The following GRID1 variants were observed in gnomAD, a reference collection of about 807,000 sequenced individuals.
GRID1 encodes glutamate ionotropic receptor delta type subunit 1.
GRID1 carries 28 observed loss-of-function variants against 98.0 expected under a neutral mutation model. The observed-to-expected ratio is 0.29, with a 90% CI of 0.21 to 0.39. The LOEUF is 0.39. Ranked by LOEUF, GRID1 falls within the 10% of genes least tolerant of loss-of-function variation. The pLI is 1.00. For synonymous variants in GRID1, 553 were observed against 538.5 expected (o/e 1.03, Z -0.37); for missense variants, 1,111 against 1,340.5 (o/e 0.83, Z 2.67).
chr10:85,775,993 A>T (rs1339360520), intron 8 of GRID1, among the ~76,000 whole-genome samples: 1 of 152,026 alleles, frequency 6.6e-6, no homozygotes, highest in Non-Finnish European at 1.5e-5. Context: ...GAATTTTTTT[A>T]AATATATGTA....
rs748139750 is a variant in GRID1 at position 85,854,624 on chromosome 10, G to A, written c.1114-9C>T. ...AGGCCAGTGATGTGGCCCTGCAGAA[G>A]AGGAGAAAAACCCATTGGAAAATCT... On this transcript the variant is annotated splice_polypyrimidine_tract_variant and intron_variant, in intron 7 of 15. Transcript: ENST00000327946. 7.4e-6 allele frequency: 12 copies of A among 1,613,892 alleles called. No individual in the cohort carries two copies. Among genetic ancestry groups the A allele is most frequent in the Non-Finnish European group, 8.5e-6 (10 of 1,179,914 alleles).
At chr10:85,784,169 A>G (rs1318777111) in intron 8 of GRID1, among the ~76,000 whole-genome samples, 7 of 152,212 alleles carry the variant, frequency 4.6e-5, no homozygotes, top group Non-Finnish European at 1.0e-4. Context: ...CTCTTGCAAG[A>G]ATTATTTTGA....
chr10:85,957,438 C>G (rs1000824947), intron 4 of GRID1, among the ~76,000 whole-genome samples: 1 of 152,112 alleles, frequency 6.6e-6, no homozygotes, highest in Non-Finnish European at 1.5e-5. Flanking sequence ...CAGGTTAGGT[C>G]TTGGTGTTCC....
At chr10:86,108,022 G>A (rs1255175327) in intron 4 of GRID1, among the ~76,000 whole-genome samples, 2 of 152,218 alleles carry the variant, frequency 1.3e-5, no homozygotes, top group African/African-American at 2.4e-5. Context: ...GTGCGACAAG[G>A]TAGAGGGTCT....
chr10:86,251,783 T>C (rs1233815086), intron 2 of GRID1, among the ~76,000 whole-genome samples: 2 of 152,194 alleles, frequency 1.3e-5, no homozygotes, highest in African/African-American at 4.8e-5. Context: ...AGCACCTGTA[T>C]GGCCTGACAT....
chr10:85,615,422 G>A (rs958308700), intron 14 of GRID1, among the ~76,000 whole-genome samples: 4 of 152,216 alleles, frequency 2.6e-5, no homozygotes, highest in African/African-American at 7.2e-5. Flanking sequence ...CCCTGAGCAA[G>A]CACAGTGGCT....
intron 8 of GRID1, among the ~76,000 whole-genome samples, chr10:85,825,994 C>T (rs758168107): frequency 2.6e-5 from 4 of 151,902 alleles, no homozygotes; most frequent in Non-Finnish European, 5.9e-5. Context: ...ACCATAAACC[C>T]AAATAAATCA....
At chr10:85,886,213 A>G (rs1841116259) in intron 5 of GRID1, among the ~76,000 whole-genome samples, 1 of 152,208 alleles carries the variant, frequency 6.6e-6, no homozygotes, top group Non-Finnish European at 1.5e-5. Flanking sequence ...GACCTAGAAG[A>G]GACAGCACCT....
rs1045893050 is a variant in GRID1, at chr10:86,365,554, C to T, written c.79+760G>A. Among the ~76,000 whole-genome samples the T allele has an allele frequency of 6.6e-6, 1 of 152,020 alleles. No homozygotes were observed. The highest frequency in any genetic ancestry group is 2.4e-5 in the African/African-American group (1 of 41,382). ...TCCCGCTCAGCATCCCCCTACCCCC[C>T]GCTGCCCACGCTTCTTCCCTCGGCT... On this transcript the variant is annotated intron_variant, in intron 1 of 15. Coordinates refer to ENST00000327946, the MANE Select transcript of GRID1 (RefSeq NM_017551.3). This position sits in a 1 kb window ranked among gnomAD's most constrained non-coding sequence, Gnocchi z 4.8.
chr10:86,099,110 C>G (rs1238427544), intron 4 of GRID1, among the ~76,000 whole-genome samples: 1 of 152,210 alleles, frequency 6.6e-6, no homozygotes, highest in African/African-American at 2.4e-5. Flanking sequence ...GGTCACATAA[C>G]CACTAACCAC....
intron 2 of GRID1, among the ~76,000 whole-genome samples, chr10:86,357,507 T>C (rs1848548473): frequency 1.3e-5 from 2 of 152,096 alleles, no homozygotes; most frequent in South Asian, 4.1e-4. Context: ...AACCCAAAAT[T>C]TGAGGAAGTG....
At chr10:85,827,666 C>T (rs2131758211) in intron 8 of GRID1, among the ~76,000 whole-genome samples, 1 of 150,956 alleles carries the variant, frequency 6.6e-6, no homozygotes, top group East Asian at 1.9e-4. Context: ...ACAGACTAAG[C>T]CAACAATGGT....
At chr10:85,912,872 A>T (rs890786183) in intron 5 of GRID1, among the ~76,000 whole-genome samples, 3 of 152,182 alleles carry the variant, frequency 2.0e-5, no homozygotes, top group African/African-American at 4.8e-5. Flanking sequence ...TGGCTGAGAA[A>T]CCATTTGTCT....
At chr10:85,901,136 A>G (rs1841378867) in intron 5 of GRID1, among the ~76,000 whole-genome samples, 1 of 152,226 alleles carries the variant, frequency 6.6e-6, no homozygotes. Flanking sequence ...TTTATTTACT[A>G]AAGTACAAAG....
At chr10:86,286,780 T>C (rs1242658919) in intron 2 of GRID1, among the ~76,000 whole-genome samples, 1 of 152,168 alleles carries the variant, frequency 6.6e-6, no homozygotes, top group Non-Finnish European at 1.5e-5. Flanking sequence ...GCCTGACAGC[T>C]CTCCGCTCTG....
At position 85,769,365 on chromosome 10, in the gene GRID1, C is replaced by G. The variant is rs570871175; in HGVS notation, c.1234-39751G>C. ...TGGAGCCAAGATGGCTGAATAGGAA[C>G]AGCTCCGGTCTACAGCTCCCAGCGT... On this transcript the variant is annotated intron_variant, in intron 8 of 15. Transcript: ENST00000327946. Among the ~76,000 whole-genome samples, 5 of 152,320 alleles carry G rather than the reference C, an allele frequency of 3.3e-5. No individual in the cohort carries two copies. The South Asian group carries it at 8.3e-4, about 25-fold the overall frequency.
intron 12 of GRID1, among the ~76,000 whole-genome samples, chr10:85,714,330 T>C (rs977100752): frequency 3.3e-5 from 5 of 151,986 alleles, no homozygotes; most frequent in African/African-American, 1.2e-4. Flanking sequence ...AGTGATGAAA[T>C]TATCTGTACA....
intron 3 of GRID1, among the ~76,000 whole-genome samples, chr10:86,158,537 T>C (rs547040956): frequency 5.9e-5 from 9 of 152,278 alleles, no homozygotes; most frequent in Admixed American, 5.9e-4. Flanking sequence ...CAACCCCACT[T>C]GAAAGGGCTC....
rs754194560 is a variant in GRID1 at position 85,647,335 on chromosome 10, A to G, written c.2060T>C (p.Val687Ala). The G allele has an allele frequency of 6.2e-7, 1 of 1,614,210 alleles. No individual in the cohort carries two copies. The highest frequency in any genetic ancestry group is 1.1e-5 in the South Asian group (1 of 91,086). The change falls in exon 13 of 16, where the codon GTA becomes GCA. Residue 687 changes from valine (V) to alanine (A), a missense_variant. Physicochemically the swap from Val to Ala is moderately conservative, Grantham distance 64 (BLOSUM62 0). Coordinates refer to ENST00000327946, the MANE Select transcript of GRID1 (RefSeq NM_017551.3). The stretch of plus-strand genomic sequence containing the variant: ...GCCCTTGGCTCGGAAGTACTCATAT[A>G]CAGCAGAATCCCGGACAGTGCCATA... ...MSYGTVRDSA[V>A]YEYFRAKGTN...
Sources: gnomAD v4.1 joint callset for allele counts (sites outside exome capture counted in the v4.1 genomes callset) on GRCh38, gnomAD v4.1.1 for gene constraint, Gnocchi (gnomAD v3.1) non-coding constraint, MANE v1.5 for transcripts, NCBI Gene and HGNC (gene_info 2026-07-23, HGNC 2026-07-21) for gene names.